LAMB1: variants seen among roughly 807,000 people sequenced by gnomAD.
LAMB1 encodes the protein laminin subunit beta-1.
In LAMB1, 121 loss-of-function variants were observed where a neutral mutation model predicts 222.3. The observed-to-expected ratio is 0.54, with a 90% confidence interval of 0.47 to 0.63. The LOEUF (loss-of-function observed/expected upper bound fraction) is 0.63, where lower values mean the gene tolerates loss of function less well. Among genes scored for constraint, LAMB1 ranks in the 30% least tolerant of loss-of-function variants. The pLI is 0.00. For synonymous variants in LAMB1, 794 were observed against 807.2 expected (o/e 0.98, Z 0.28); for missense variants, 2,172 against 2,240.8 (o/e 0.97, Z 0.62).
chr7:107,991,681 C>A (rs531657356), intron 5 of LAMB1, among the ~76,000 whole-genome samples: 1 of 151,740 alleles, frequency 6.6e-6, no homozygotes. Context: ...GACGCCGAGG[C>A]GGGCAGATCA....
intron 24 of LAMB1, among the ~76,000 whole-genome samples, chr7:107,948,267 G>T (rs537823839): frequency 1.3e-5 from 2 of 152,138 alleles, no homozygotes; most frequent in African/African-American, 4.8e-5. Flanking sequence ...GATTACAGGC[G>T]TGAACCACCG....
intron 1 of LAMB1, 36 bp from the exon 2 acceptor site, chr7:108,003,007 G>A (rs535072667): frequency 1.3e-6 from 2 of 1,531,666 alleles, no homozygotes; most frequent in East Asian, 2.4e-5. Flanking sequence ...AAAGGCAAAT[G>A]TTCAAAGAGA....
intron 5 of LAMB1, among the ~76,000 whole-genome samples, chr7:107,990,122 T>C (rs1207457427): frequency 6.6e-6 from 1 of 152,154 alleles, no homozygotes; most frequent in African/African-American, 2.4e-5. Flanking sequence ...CACTGCAGCC[T>C]TGACCTCCCG....
chr7:108,002,768 G>T, intron 2 of LAMB1, 81 bp downstream of exon 2: 1 of 1,589,136 alleles, frequency 6.3e-7, no homozygotes, highest in Non-Finnish European at 8.6e-7. Flanking sequence ...AGGATCCCAC[G>T]AAGGTGAGCA....
chr7:107,983,744 C>G (rs758724390), intron 7 of LAMB1, among the ~76,000 whole-genome samples: 6 of 151,926 alleles, frequency 3.9e-5, no homozygotes, highest in Non-Finnish European at 5.9e-5. Flanking sequence ...TCTCAAACTC[C>G]TGACCTCGTG....
intron 3 of LAMB1, among the ~76,000 whole-genome samples, chr7:108,001,280 CAA>C (rs942774521): frequency 1.3e-5 from 2 of 152,250 alleles, no homozygotes; most frequent in Non-Finnish European, 2.9e-5. Context: ...AACACACACA[CAA>C]TCAGGCCTTT....
At chr7:107,973,960 T>C (rs574034214) in intron 12 of LAMB1, among the ~76,000 whole-genome samples, 1 of 152,236 alleles carries the variant, frequency 6.6e-6, no homozygotes, top group South Asian at 2.1e-4. Context: ...TTATTTATGA[T>C]TTTAAAAAAT....
At chr7:107,939,928 T>C in intron 25 of LAMB1, 61 bp downstream of exon 25, 2 of 1,549,552 alleles carry the variant, frequency 1.3e-6, no homozygotes, top group East Asian at 4.5e-5. Flanking sequence ...AAATCTTTGC[T>C]GTTAACTCAC....
intron 21 of LAMB1, among the ~76,000 whole-genome samples, chr7:107,954,512 C>T (rs1276887268): frequency 1.1e-4 from 16 of 152,114 alleles, no homozygotes; most frequent in African/African-American, 3.4e-4. Context: ...CAGTGGCTCA[C>T]GCCTGTAATC....
chr7:107,929,384 G>GC lies in LAMB1; in HGVS notation c.4745+27dup, dbSNP rs773575022. 5.7e-6 allele frequency: 9 copies of GC among 1,585,252 alleles called. No individual in the cohort carries two copies. The South Asian group carries it at 1.0e-4, about 18-fold the overall frequency. ...ACTCCATGATAGATACACAAAATAA[G>GC]CCCCTTAGATGCCATGTCTTTAGAT... On this transcript the variant is annotated intron_variant, in intron 30 of 33. Coordinates refer to ENST00000222399, the MANE Select transcript of LAMB1 (RefSeq NM_002291.3).
At chr7:107,996,515 T>C (rs1004538597) in intron 4 of LAMB1, among the ~76,000 whole-genome samples, 8 of 152,190 alleles carry the variant, frequency 5.3e-5, no homozygotes, top group African/African-American at 1.7e-4. Context: ...ATCACATTCA[T>C]AAACTCTTAA....
At chr7:107,981,029 C>T (rs760811333) in intron 7 of LAMB1, among the ~76,000 whole-genome samples, 17 of 152,078 alleles carry the variant, frequency 1.1e-4, no homozygotes, top group South Asian at 4.1e-4. Flanking sequence ...ATAAGAATGT[C>T]GGCCGGGCGT....
chr7:107,978,011 G>C (rs369035484), intron 9 of LAMB1, 36 bp downstream of exon 9: 1 of 1,613,158 alleles, frequency 6.2e-7, no homozygotes. Flanking sequence ...ACTAGAGCCT[G>C]AATGGATTTA....
At chr7:107,953,819 G>A (rs924390244) in intron 21 of LAMB1, 65 bp from the exon 22 acceptor site, 13 of 1,368,134 alleles carry the variant, frequency 9.5e-6, no homozygotes, top group South Asian at 5.9e-5. Flanking sequence ...CCAGTGCACC[G>A]ACACTCATGC....
At chr7:107,974,948 C>A in intron 12 of LAMB1, 38 bp downstream of exon 12, 1 of 1,193,882 alleles carries the variant, frequency 8.4e-7, no homozygotes, top group Non-Finnish European at 1.2e-6. Flanking sequence ...ATGTCATCCT[C>A]ACCAACCACC....
rs1266834707 is a variant in LAMB1 at position 107,975,631 on chromosome 7, C to T, written c.1189+58G>A. 4 of 1,497,232 alleles carry T rather than the reference C, an allele frequency of 2.7e-6. No individual in the cohort carries two copies. In the African/African-American group the frequency reaches 5.5e-5, roughly 21 times the overall value. The allele number at this position is 1,497,232 out of a possible 1,614,324, so 92.7% of individuals were successfully genotyped here. A position where few individuals can be genotyped will look rare whatever the true frequency, so the allele number is the denominator to read the frequency against. ...ATGAGCTCTGAGACTACTGACTATT[C>T]AGTTTGGAAGGCAATCTGAAGTAGG... is the stretch of plus-strand genomic sequence containing the variant. On this transcript the variant is annotated intron_variant, in intron 10 of 33. Transcript: ENST00000222399.
intron 13 of LAMB1, among the ~76,000 whole-genome samples, chr7:107,969,421 TA>T (rs1172144205): frequency 7.3e-5 from 11 of 150,326 alleles, no homozygotes; most frequent in African/African-American, 2.4e-4. Flanking sequence ...AGAAAAATAT[TA>T]AAGCATAAAA....
chr7:107,997,767 G>A (rs1019343563), intron 4 of LAMB1, among the ~76,000 whole-genome samples: 1 of 152,208 alleles, frequency 6.6e-6, no homozygotes, highest in East Asian at 1.9e-4. Context: ...CATATTTGAT[G>A]AATGTATTAC....
chr7:107,992,118 C>CCAG (rs887933836), intron 5 of LAMB1, among the ~76,000 whole-genome samples: 1 of 152,142 alleles, frequency 6.6e-6, no homozygotes, highest in African/African-American at 2.4e-5. Flanking sequence ...TGTCCCACCA[C>CCAG]CAGTGCCTTG....
Sources: gnomAD v4.1 joint callset for allele counts (sites outside exome capture counted in the v4.1 genomes callset) on GRCh38, gnomAD v4.1.1 for gene constraint, MANE v1.5 for transcripts, NCBI Gene and HGNC (gene_info 2026-07-23, HGNC 2026-07-21) for gene names.